TGFBR1: variants seen among roughly 807,000 people sequenced by gnomAD.
TGFBR1 encodes TGF-beta receptor type-1.
In TGFBR1, 20 loss-of-function variants were observed where a neutral mutation model predicts 55.1. The observed-to-expected ratio is 0.36, with a 90% confidence interval of 0.26 to 0.53. The LOEUF is 0.53. Among genes scored for constraint, TGFBR1 ranks in the 20% least tolerant of loss-of-function variants. The pLI, the probability that TGFBR1 is intolerant of heterozygous loss-of-function variation, is 0.91. For missense variants in TGFBR1, 385 were observed against 617.6 expected, an observed-to-expected ratio of 0.62 and a Z score of 3.99; for synonymous variants, 220 against 214.8, an observed-to-expected ratio of 1.02 and a Z score of -0.21.
intron 1 of TGFBR1, among the ~76,000 whole-genome samples, chr9:99,116,190 A>G (rs577269973): frequency 1.8e-4 from 27 of 148,898 alleles, no homozygotes; most frequent in Admixed American, 1.5e-3. Context: ...AAAAAAAAAA[A>G]GGCCACATAA....
rs1368828783 is a variant in TGFBR1 at position 99,142,706 on chromosome 9, A to G, written c.973+3A>G. On this transcript the variant is annotated splice_donor_region_variant and intron_variant, in intron 5 of 8. Coordinates refer to ENST00000374994, the MANE Select transcript of TGFBR1 (RefSeq NM_004612.4). ...CATGGAGATTGTTGGTACCCAAGGTAATTCTATAAGCAGTTCTATTATTTA... is the reference window on the plus strand; with the variant it reads ...CATGGAGATTGTTGGTACCCAAGGTGATTCTATAAGCAGTTCTATTATTTA... 6.2e-7 allele frequency: 1 copy of G among 1,613,802 alleles called. No homozygotes were observed. The highest frequency in any genetic ancestry group is 1.3e-5 in the African/African-American group (1 of 74,918).
chr9:99,134,830 A>ACACATATATATATATATATG (rs1197720573), intron 3 of TGFBR1, among the ~76,000 whole-genome samples: 1 of 112,508 alleles, frequency 8.9e-6, no homozygotes, highest in African/African-American at 3.2e-5. Flanking sequence ...ATATATATAT[A>ACACATATATATATATATATG]TATATATATA....
At chr9:99,118,792 G>A (rs1826820969) in intron 1 of TGFBR1, among the ~76,000 whole-genome samples, 1 of 151,754 alleles carries the variant, frequency 6.6e-6, no homozygotes, top group African/African-American at 2.4e-5. Context: ...GACTACAGGT[G>A]CGTGCCACCA....
At chr9:99,147,830 G>C (rs767988468) in intron 8 of TGFBR1, 46 bp downstream of exon 8, 2 of 1,609,790 alleles carry the variant, frequency 1.2e-6, no homozygotes, top group South Asian at 2.2e-5. Context: ...AACTGCTTCT[G>C]CTTAGTAAGC....
chr9:99,143,999 A>G (rs1344511352), intron 5 of TGFBR1, among the ~76,000 whole-genome samples: 2 of 152,234 alleles, frequency 1.3e-5, no homozygotes, highest in African/African-American at 4.8e-5. Context: ...TTGATGGCTA[A>G]GTAATACTTC....
chr9:99,142,427 A>G, intron 4 of TGFBR1, 109 bp from the exon 5 acceptor site: 1 of 1,174,552 alleles, frequency 8.5e-7, no homozygotes, highest in South Asian at 1.3e-5. Flanking sequence ...TTAAGGTGGC[A>G]TTATATTGCA....
chr9:99,118,163 G>C (rs1007394537), intron 1 of TGFBR1, among the ~76,000 whole-genome samples: 10 of 151,864 alleles, frequency 6.6e-5, no homozygotes, highest in Non-Finnish European at 1.2e-4. Context: ...AATTTTTTTT[G>C]GTATAGTGAG....
Position 99,153,452 on chromosome 9 carries a change from G to T in TGFBR1, c.*4147G>T, listed in dbSNP as rs570685518. ...GTCCATATAAATTTCCATTGAAGTC[G>T]AATGATACTGAGAAGCCTGTAAAGA... On this transcript the variant is annotated 3_prime_UTR_variant, in exon 9 of 9. Transcript: ENST00000374994. The T allele has an allele frequency of 1.4e-5, 3 of 206,930 alleles. No homozygotes were observed. Among genetic ancestry groups the T allele is most frequent in the East Asian group, 7.3e-5 (1 of 13,610 alleles). The allele number at this position is 206,930 out of a possible 1,614,324, so 12.8% of individuals were successfully genotyped here.
Position 99,147,791 on chromosome 9 carries a change from A to G in TGFBR1, c.1386+7A>G, listed in dbSNP as rs1827846559. The G allele has an allele frequency of 1.2e-6, 2 of 1,613,546 alleles. No homozygotes were observed. Among genetic ancestry groups the G allele is most frequent in the African/African-American group, 1.3e-5 (1 of 74,888 alleles). The stretch of plus-strand genomic sequence containing the variant: ...CAGATGGCAGAGCTGTGAAGTGAGT[A>G]TTTCTTTTTGATATTAGGCAATTTT... On this transcript the variant is annotated splice_region_variant and intron_variant, in intron 8 of 8. Transcript: ENST00000374994.
intron 1 of TGFBR1, among the ~76,000 whole-genome samples, chr9:99,121,708 C>G (rs1240785566): frequency 3.3e-5 from 5 of 152,040 alleles, no homozygotes; most frequent in African/African-American, 1.2e-4. Flanking sequence ...TTTTACTTGC[C>G]TGTTGGTACA....
chr9:99,107,131 A>C (rs138339481), intron 1 of TGFBR1, among the ~76,000 whole-genome samples: 3 of 152,256 alleles, frequency 2.0e-5, no homozygotes, highest in Non-Finnish European at 4.4e-5. Context: ...AGGAGTTTAC[A>C]GTCTCCATGG....
At chr9:99,147,539 C>A (rs536705409) in intron 7 of TGFBR1, 115 bp from the exon 8 acceptor site, 2 of 988,750 alleles carry the variant, frequency 2.0e-6, no homozygotes, top group Admixed American at 2.1e-5. Flanking sequence ...AATCTCTGTT[C>A]CACATACCTA....
At chr9:99,124,524 T>TGG in intron 1 of TGFBR1, among the ~76,000 whole-genome samples, 1 of 151,256 alleles carries the variant, frequency 6.6e-6, no homozygotes, top group South Asian at 2.1e-4. Flanking sequence ...AATAAAAGGT[T>TGG]GGGGGGGGCA....
At chr9:99,138,191 GTC>G in intron 4 of TGFBR1, 102 bp downstream of exon 4, 17 of 1,019,914 alleles carry the variant, frequency 1.7e-5, no homozygotes, top group Non-Finnish European at 2.6e-5. Context: ...AGACATAGAT[GTC>G]TCTCATGTAG....
intron 1 of TGFBR1, among the ~76,000 whole-genome samples, chr9:99,126,840 A>C (rs1827055817): frequency 6.6e-6 from 1 of 152,146 alleles, no homozygotes; most frequent in Non-Finnish European, 1.5e-5. Context: ...AGTTTCTTTC[A>C]TACTTAGGAA....
chr9:99,138,627 A>G (rs1827513212), intron 4 of TGFBR1, among the ~76,000 whole-genome samples: 1 of 152,194 alleles, frequency 6.6e-6, no homozygotes, highest in Admixed American at 6.5e-5. Context: ...AACTGTACGG[A>G]CACTTTTCTG....
intron 2 of TGFBR1, among the ~76,000 whole-genome samples, chr9:99,132,035 TATGTG>T (rs1273961735): frequency 6.6e-6 from 1 of 152,010 alleles, no homozygotes; most frequent in Non-Finnish European, 1.5e-5. Flanking sequence ...GATGAAGATG[TATGTG>T]GTTTTTTTTT....
At position 99,149,650 on chromosome 9, in the gene TGFBR1, G is replaced by A. The variant is rs200832519; in HGVS notation, c.*345G>A. 15 of 347,242 alleles carry A rather than the reference G, an allele frequency of 4.3e-5. No individual in the cohort carries two copies. The highest frequency in any genetic ancestry group is 1.9e-4 in the African/African-American group (9 of 48,098). The allele number at this position is 347,242 out of a possible 1,614,324, so 21.5% of individuals were successfully genotyped here. A position where few individuals can be genotyped will look rare whatever the true frequency, so the allele number is the denominator to read the frequency against. ...ATCATCTTTAAGGGCAAAGGAGTTG[G>A]ATTGCTGAATTACAATGAAACATGT... On this transcript the variant is annotated 3_prime_UTR_variant, in exon 9 of 9. Transcript: ENST00000374994.
At chr9:99,130,948 A>G (rs974722793) in intron 2 of TGFBR1, among the ~76,000 whole-genome samples, 9 of 152,208 alleles carry the variant, frequency 5.9e-5, no homozygotes, top group Admixed American at 1.3e-4. Context: ...AGTTTGGGAC[A>G]AGTTTTAAGA....
Sources: gnomAD v4.1 joint callset for allele counts (sites outside exome capture counted in the v4.1 genomes callset) on GRCh38, gnomAD v4.1.1 for gene constraint, MANE v1.5 for transcripts, NCBI Gene and HGNC (gene_info 2026-07-23, HGNC 2026-07-21) for gene names.